The following GRXCR2 variants were observed in gnomAD, a reference collection of about 807,000 sequenced individuals.
The protein encoded by GRXCR2 is glutaredoxin and cysteine rich domain containing 2.
GRXCR2 carries 23 observed loss-of-function variants against 24.8 expected under a neutral mutation model. The ratio of observed to expected loss-of-function variants is 0.93; its 90% CI spans 0.67 to 1.32. The LOEUF (loss-of-function observed/expected upper bound fraction) is 1.32. GRXCR2 is among the 40% of genes most tolerant of loss of function. The pLI, the probability that GRXCR2 is intolerant of heterozygous loss-of-function variation, is 0.00. For missense variants in GRXCR2, 315 were observed against 303.4 expected (o/e 1.04, Z -0.28); for synonymous variants, 130 against 116.1 (o/e 1.12, Z -0.77).
intron 1 of GRXCR2, 148 bp downstream of exon 1, chr5:145,872,485 C>CTAA (rs985089053): frequency 1.7e-4 from 100 of 581,802 alleles, no homozygotes; most frequent in African/African-American, 1.7e-3. Flanking sequence ...AAATATTCGT[C>CTAA]TAATAACAAC....
At chr5:145,906,398 G>A (rs192604867) in intron 2 of GRXCR2, among the ~76,000 whole-genome samples, 135 of 152,130 alleles carry the variant, frequency 8.9e-4, no homozygotes, top group African/African-American at 1.4e-3. Flanking sequence ...TTGCTTATCC[G>A]ATAGCATGTA....
At chr5:145,916,049 C>A (rs1231855904) in intron 2 of GRXCR2, among the ~76,000 whole-genome samples, 1 of 152,110 alleles carries the variant, frequency 6.6e-6, no homozygotes, top group East Asian at 1.9e-4. Context: ...CATGGGGAAG[C>A]AGATGATGCT....
In GRXCR2 at chr5:145,897,956, C is replaced by T. The variant is rs999152914; in HGVS notation, c.-69-31228G>A. Reference sequence around the variant, plus strand: ...ACCCCAAAGGTAGAGGAAGAAAAAACTAAAATCAGAGCAGAACTGAATGAA... The same window carrying T: ...ACCCCAAAGGTAGAGGAAGAAAAAATTAAAATCAGAGCAGAACTGAATGAA... On this transcript the variant is annotated intron_variant, in intron 2 of 3. Coordinates refer to the GRXCR2 transcript ENST00000639411. Among the ~76,000 whole-genome samples, 3 of 151,948 alleles carry T rather than the reference C, an allele frequency of 2.0e-5. No homozygotes were observed. The South Asian group carries it at 6.2e-4, about 32-fold the overall frequency.
At position 145,892,794 on chromosome 5, in the gene GRXCR2, A is replaced by G. The variant is rs1756889042; in HGVS notation, c.-69-26066T>C. On this transcript the variant is annotated intron_variant, in intron 2 of 3. Transcript: ENST00000639411. ...GAAGTACAAAGAATGCCACAAAGATACTCCTCGAGAAGAGCAACTCCAAGA... is the reference window on the plus strand; with the variant it reads ...GAAGTACAAAGAATGCCACAAAGATGCTCCTCGAGAAGAGCAACTCCAAGA... 2.6e-5 allele frequency among the ~76,000 whole-genome samples: 4 copies of G among 152,118 alleles called. No individual in the cohort carries two copies. The South Asian group carries it at 8.3e-4, about 32-fold the overall frequency.
In GRXCR2 at chr5:145,860,257, A is replaced by G. The variant is rs1756312873; in HGVS notation, c.565-342T>C. 3.9e-5 allele frequency among the ~76,000 whole-genome samples: 6 copies of G among 152,312 alleles called. No individual in the cohort carries two copies. In the South Asian group the frequency reaches 1.2e-3, roughly 32 times the overall value. ...ATTTTCCTTATTGCCAAATACTACA[A>G]GTGAACCCTTGTAGCATGCCTGATA... On this transcript the variant is annotated intron_variant, in intron 2 of 2. Coordinates refer to ENST00000377976, the MANE Select transcript of GRXCR2 (RefSeq NM_001080516.2).
At chr5:145,880,651 G>T (rs1756687387) in intron 2 of GRXCR2, among the ~76,000 whole-genome samples, 1 of 152,086 alleles carries the variant, frequency 6.6e-6, no homozygotes, top group South Asian at 2.1e-4. Context: ...CCAATGAATA[G>T]AAAAAGAGGG....
intron 2 of GRXCR2, among the ~76,000 whole-genome samples, chr5:145,931,164 T>C (rs1757472011): frequency 6.6e-6 from 1 of 152,282 alleles, no homozygotes; most frequent in East Asian, 1.9e-4. Context: ...CCCTAGTAGC[T>C]GGGACTATAG....
At chr5:145,907,823 A>C (rs1308029147) in intron 2 of GRXCR2, among the ~76,000 whole-genome samples, 2 of 152,190 alleles carry the variant, frequency 1.3e-5, no homozygotes, top group African/African-American at 4.8e-5. Context: ...TGAGTGCCTC[A>C]AAGGATAGAG....
upstream of GRXCR2, among the ~76,000 whole-genome samples, chr5:145,877,139 A>G (rs1173213702): frequency 6.6e-6 from 1 of 152,138 alleles, no homozygotes; most frequent in Non-Finnish European, 1.5e-5. Context: ...CATTTTAAAG[A>G]AAGAAAGATA....
intron 2 of GRXCR2, among the ~76,000 whole-genome samples, chr5:145,891,738 A>C (rs980143257): frequency 6.6e-6 from 1 of 152,160 alleles, no homozygotes; most frequent in Non-Finnish European, 1.5e-5. Context: ...GGCAGTAGAC[A>C]CCTCTGCAGA....
intron 2 of GRXCR2, among the ~76,000 whole-genome samples, chr5:145,899,348 A>T (rs2149922006): frequency 6.6e-6 from 1 of 152,300 alleles, no homozygotes; most frequent in South Asian, 2.1e-4. Flanking sequence ...CAATCTACAG[A>T]TTCAACACTA....
At chr5:145,866,178 G>T (rs931861319) in intron 2 of GRXCR2, among the ~76,000 whole-genome samples, 4 of 151,066 alleles carry the variant, frequency 2.6e-5, no homozygotes, top group Non-Finnish European at 4.4e-5. Flanking sequence ...AAAATATAGG[G>T]CTGATATATT....
At chr5:145,878,429 G>A (rs901795079) in intron 2 of GRXCR2, among the ~76,000 whole-genome samples, 1 of 152,174 alleles carries the variant, frequency 6.6e-6, no homozygotes, top group African/African-American at 2.4e-5. Flanking sequence ...ATTCAATCAA[G>A]TGGAGGAAAG....
At chr5:145,906,770 A>AAAT (rs1757094521) in intron 2 of GRXCR2, among the ~76,000 whole-genome samples, 1 of 152,206 alleles carries the variant, frequency 6.6e-6, no homozygotes, top group Admixed American at 6.5e-5. Context: ...AATAGACAAA[A>AAAT]GTTCCTTCCC....
intron 2 of GRXCR2, among the ~76,000 whole-genome samples, chr5:145,893,381 G>A (rs36164813): frequency 6.6e-6 from 1 of 152,206 alleles, no homozygotes; most frequent in African/African-American, 2.4e-5. Flanking sequence ...TTGTATTCAG[G>A]AAACCCATCT....
intron 2 of GRXCR2, among the ~76,000 whole-genome samples, chr5:145,908,056 C>A (rs1757114872): frequency 6.6e-6 from 1 of 152,082 alleles, no homozygotes; most frequent in Non-Finnish European, 1.5e-5. Context: ...TCCAGCCTTA[C>A]CAGTTCTATG....
chr5:145,870,218 T>C (rs111496685), intron 1 of GRXCR2, among the ~76,000 whole-genome samples: 1 of 152,128 alleles, frequency 6.6e-6, no homozygotes, highest in African/African-American at 2.4e-5. Flanking sequence ...TCTGTATCCA[T>C]TAAACAATGA....
intron 2 of GRXCR2, among the ~76,000 whole-genome samples, chr5:145,880,443 T>C (rs1756682452): frequency 6.6e-6 from 1 of 152,154 alleles, no homozygotes; most frequent in African/African-American, 2.4e-5. Context: ...CTAGAAAATC[T>C]AGAAGAAATG....
chr5:145,907,469 C>T (rs1757108359), intron 2 of GRXCR2, among the ~76,000 whole-genome samples: 1 of 151,700 alleles, frequency 6.6e-6, no homozygotes, highest in Admixed American at 6.6e-5. Flanking sequence ...GCGGAGGTTG[C>T]AGTGAGCTGA....
Sources: gnomAD v4.1 joint callset for allele counts (sites outside exome capture counted in the v4.1 genomes callset) on GRCh38, gnomAD v4.1.1 for gene constraint, MANE v1.5 for transcripts, NCBI Gene and HGNC (gene_info 2026-07-23, HGNC 2026-07-21) for gene names.